TULP3: variants seen among roughly 807,000 people sequenced by gnomAD.
TULP3 encodes TUB like protein 3.
TULP3 carries 38 observed loss-of-function variants against 50.7 expected under a neutral mutation model. The observed-to-expected ratio is 0.75, with a 90% CI of 0.58 to 0.98. The LOEUF (loss-of-function observed/expected upper bound fraction) is 0.98, where lower values mean the gene tolerates loss of function less well. TULP3 is among the 50% of genes least tolerant of loss of function. The pLI, the probability that TULP3 is intolerant of heterozygous loss-of-function variation, is 0.00. For missense variants in TULP3, 550 were observed against 568.0 expected, an observed-to-expected ratio of 0.97 and a Z score of 0.32; for synonymous variants, 183 against 196.6, an observed-to-expected ratio of 0.93 and a Z score of 0.58.
intron 1 of TULP3, among the ~76,000 whole-genome samples, chr12:2,907,485 A>AAAAAAAAAAT (rs2098183006): frequency 6.7e-6 from 1 of 149,792 alleles, no homozygotes; most frequent in Non-Finnish European, 1.5e-5. Context: ...CAAAAAAAAA[A>AAAAAAAAAAT]AAAAATACAA....
chr12:2,912,326 A>T (rs1033530369), intron 2 of TULP3, among the ~76,000 whole-genome samples: 3 of 152,204 alleles, frequency 2.0e-5, no homozygotes, highest in African/African-American at 7.2e-5. Flanking sequence ...AGGCATATTG[A>T]GGAAGGGCAG....
At position 2,939,258 on chromosome 12, in the gene TULP3, C is replaced by A. The variant is rs1273334976; in HGVS notation, c.1196-53C>A. Reference sequence around the variant, plus strand: ...AAAAGGAAGAAAAAGAAAAAGATTTCCCTGAGTGCAACCACATTATATTCT... The same window carrying A: ...AAAAGGAAGAAAAAGAAAAAGATTTACCTGAGTGCAACCACATTATATTCT... On this transcript the variant is annotated intron_variant, in intron 10 of 10. Transcript: ENST00000448120. This position sits in a 1 kb window ranked among gnomAD's most constrained non-coding sequence, Gnocchi z 4.0. 1 of 1,581,242 alleles carries A rather than the reference C, an allele frequency of 6.3e-7. No individual in the cohort carries two copies. The highest frequency in any genetic ancestry group is 1.1e-5 in the South Asian group (1 of 88,368).
At chr12:2,917,886 AG>A (rs1436063863) in intron 2 of TULP3, among the ~76,000 whole-genome samples, 2 of 151,208 alleles carry the variant, frequency 1.3e-5, no homozygotes, top group Admixed American at 6.6e-5. Flanking sequence ...CAAAAAAAAA[AG>A]AAAATATTTT....
chr12:2,892,873 ATT>A (rs55689820), intron 1 of TULP3, among the ~76,000 whole-genome samples: 11 of 137,450 alleles, frequency 8.0e-5, no homozygotes, highest in African/African-American at 1.4e-4. Flanking sequence ...TTTAATTTTA[ATT>A]TTTTTTTTTT....
intron 4 of TULP3, among the ~76,000 whole-genome samples, chr12:2,928,329 G>T (rs1249179072): frequency 6.6e-6 from 1 of 152,188 alleles, no homozygotes. Flanking sequence ...TTGGGAGTTC[G>T]AGGCCAGCCT....
At chr12:2,897,947 G>T (rs745828734) in intron 1 of TULP3, among the ~76,000 whole-genome samples, 4 of 151,154 alleles carry the variant, frequency 2.6e-5, no homozygotes, top group Admixed American at 6.6e-5. Flanking sequence ...GTGTGGTGGC[G>T]CATGCCTGTG....
chr12:2,916,705 C>T (rs1048606082), intron 2 of TULP3, among the ~76,000 whole-genome samples: 1 of 152,168 alleles, frequency 6.6e-6, no homozygotes, highest in Non-Finnish European at 1.5e-5. Flanking sequence ...GACATTGTTA[C>T]ATTCAAACAC....
Position 2,926,729 on chromosome 12 carries a change from C to T in TULP3, c.395-3519C>T, listed in dbSNP as rs544615703. Among the ~76,000 whole-genome samples the T allele has an allele frequency of 2.7e-3, 403 of 151,240 alleles. 3 individuals carry two copies. Among genetic ancestry groups the T allele is most frequent in the African/African-American group, 9.2e-3 (378 of 41,020 alleles). On this transcript the variant is annotated intron_variant, in intron 4 of 10. Coordinates refer to ENST00000448120, the MANE Select transcript of TULP3 (RefSeq NM_003324.5). ...CAGCCTGGCCAACGTGGTGAAACTCCGTTTCCACTAAAAATTCAAAAAAAA... is the reference window on the plus strand; with the variant it reads ...CAGCCTGGCCAACGTGGTGAAACTCTGTTTCCACTAAAAATTCAAAAAAAA...
chr12:2,907,265 T>C (rs1330924656), intron 1 of TULP3, among the ~76,000 whole-genome samples: 1 of 151,948 alleles, frequency 6.6e-6, no homozygotes, highest in Non-Finnish European at 1.5e-5. Flanking sequence ...GAGGTCAAGG[T>C]CAGGAGATCG....
intron 2 of TULP3, among the ~76,000 whole-genome samples, chr12:2,911,566 T>C (rs976773549): frequency 2.0e-5 from 3 of 151,030 alleles, no homozygotes; most frequent in Non-Finnish European, 4.4e-5. Context: ...GGGGTTTCAC[T>C]GTGTTAGCCA....
chr12:2,930,999 C>G (rs1220599318), intron 5 of TULP3, 38 bp from the exon 6 acceptor site: 4 of 1,609,224 alleles, frequency 2.5e-6, no homozygotes, highest in Non-Finnish European at 3.4e-6. Flanking sequence ...GATTTTGAGT[C>G]TCGGCCTGTT....
At position 2,940,778 on chromosome 12, in the gene TULP3, G is replaced by T; in HGVS notation, c.*1334G>T. On this transcript the variant is annotated 3_prime_UTR_variant, in exon 11 of 11. Coordinates refer to ENST00000448120, the MANE Select transcript of TULP3 (RefSeq NM_003324.5). ...CCCTTGGCTTGTCCCCCACCGACAA[G>T]TCCCACCTGCTGGGTGAGGACGAGA... 1.4e-6 allele frequency: 2 copies of T among 1,463,982 alleles called. No homozygotes were observed. The highest frequency in any genetic ancestry group is 1.3e-5 in the South Asian group (1 of 75,734). 90.7% of individuals were successfully genotyped at this position (1,463,982 alleles called of 1,614,324 possible). A position where few individuals can be genotyped will look rare whatever the true frequency, so the allele number is the denominator to read the frequency against.
At chr12:2,921,002 C>T (rs1222630672) in intron 3 of TULP3, 80 bp downstream of exon 3, 1 of 1,531,280 alleles carries the variant, frequency 6.5e-7, no homozygotes, top group Non-Finnish European at 9.0e-7. Context: ...TCAGACGGAC[C>T]AAAGGGACAA....
intron 2 of TULP3, among the ~76,000 whole-genome samples, chr12:2,914,069 T>G (rs1000318318): frequency 1.3e-5 from 2 of 152,236 alleles, no homozygotes; most frequent in Non-Finnish European, 2.9e-5. Flanking sequence ...TGTCATTTCT[T>G]TGTGTTGGGA....
rs757578288 is a variant in TULP3 at position 2,934,429 on chromosome 12, T to A, written c.810-18T>A. ...AAAAAATACAGATCATCATGGTGAC[T>A]TTTTCTCCTGACTCCAGATCCAACC... On this transcript the variant is annotated intron_variant, in intron 7 of 10. Coordinates refer to ENST00000448120, the MANE Select transcript of TULP3 (RefSeq NM_003324.5). 1.4e-5 allele frequency: 22 copies of A among 1,521,752 alleles called. No individual in the cohort carries two copies. Among genetic ancestry groups the A allele is most frequent in the Non-Finnish European group, 1.9e-5 (22 of 1,130,552 alleles). The allele number at this position is 1,521,752 out of a possible 1,614,324, so 94.3% of individuals were successfully genotyped here. A position where few individuals can be genotyped will look rare whatever the true frequency, so the allele number is the denominator to read the frequency against.
chr12:2,896,443 A>G (rs2098175611), intron 1 of TULP3, among the ~76,000 whole-genome samples: 1 of 152,188 alleles, frequency 6.6e-6, no homozygotes, highest in Admixed American at 6.5e-5. Context: ...GTCTCTGCTG[A>G]CCATTTTAAT....
rs180950702 is a variant in TULP3 at position 2,893,568 on chromosome 12, G to A, written c.41+2580G>A. On this transcript the variant is annotated intron_variant, in intron 1 of 10. Coordinates refer to ENST00000448120, the MANE Select transcript of TULP3 (RefSeq NM_003324.5). The stretch of plus-strand genomic sequence containing the variant: ...ACTCCCGACCTCAGGGGATTCGCCC[G>A]CCTCGGCCTCCCAAAGTGCTGGGAT... Among the ~76,000 whole-genome samples the A allele has an allele frequency of 3.1e-3, 472 of 151,810 alleles. 5 individuals carry two copies. The highest frequency in any genetic ancestry group is 0.011 in the African/African-American group (454 of 41,468).
chr12:2,907,899 CTT>C (rs2098183289), intron 1 of TULP3, among the ~76,000 whole-genome samples: 1 of 152,078 alleles, frequency 6.6e-6, no homozygotes, highest in African/African-American at 2.4e-5. Context: ...ATTTGTTCCT[CTT>C]TGGAGCTGGG....
intron 2 of TULP3, among the ~76,000 whole-genome samples, chr12:2,917,811 A>C (rs1213995552): frequency 6.6e-6 from 1 of 151,528 alleles, no homozygotes; most frequent in African/African-American, 2.4e-5. Context: ...CGGGAGGCGG[A>C]GCTTGCAGTG....
Sources: gnomAD v4.1 joint callset for allele counts (sites outside exome capture counted in the v4.1 genomes callset) on GRCh38, gnomAD v4.1.1 for gene constraint, Gnocchi (gnomAD v3.1) non-coding constraint, MANE v1.5 for transcripts, NCBI Gene and HGNC (gene_info 2026-07-23, HGNC 2026-07-21) for gene names.